RHBDD1: variants seen among roughly 807,000 people sequenced by gnomAD.
RHBDD1 encodes rhomboid domain containing 1.
Under a neutral mutation model 36.3 loss-of-function variants are expected in RHBDD1, and 38 were observed. That is an observed-to-expected ratio of 1.05 (90% CI 0.81 to 1.37). The LOEUF is 1.37. Ranked by LOEUF, RHBDD1 falls within the 40% of genes most tolerant of loss-of-function variation. RHBDD1 has a pLI of 0.00. For synonymous variants in RHBDD1, 151 were observed against 136.5 expected (o/e 1.11, Z -0.74); for missense variants, 393 against 377.6 (o/e 1.04, Z -0.34).
chr2:226,944,375 G>A lies in RHBDD1; in HGVS notation c.856+30024G>A, dbSNP rs183207546. Among the ~76,000 whole-genome samples the A allele has an allele frequency of 7.9e-5, 12 of 152,232 alleles. No homozygotes were observed. In the East Asian group the frequency reaches 1.2e-3, roughly 15 times the overall value. ...AGCAGCGGTTGTACAATTGCTGTGC[G>A]TTCTGTGTCTCTTAGACCTTGCCAC... On this transcript the variant is annotated intron_variant, in intron 8 of 8. Coordinates refer to ENST00000392062, the MANE Select transcript of RHBDD1 (RefSeq NM_001167608.3).
In RHBDD1 at chr2:226,937,616, C is replaced by T. The variant is rs1217445606; in HGVS notation, c.856+23265C>T. On this transcript the variant is annotated intron_variant, in intron 8 of 8. Coordinates refer to ENST00000392062, the MANE Select transcript of RHBDD1 (RefSeq NM_001167608.3). ...CTTGCCCTCCACCCTCCAATAGGCA[C>T]CATTGTGCATTATTCATCTCCGTGT... Among the ~76,000 whole-genome samples, 3 of 152,084 alleles carry T rather than the reference C, an allele frequency of 2.0e-5. No homozygotes were observed. The South Asian group carries it at 6.2e-4, about 32-fold the overall frequency.
chr2:226,897,091 C>T (rs1575002799), intron 5 of RHBDD1, among the ~76,000 whole-genome samples: 2 of 152,190 alleles, frequency 1.3e-5, no homozygotes, highest in African/African-American at 2.4e-5. Context: ...TGTGAGCCAT[C>T]GTGCCTGGCC....
At chr2:226,961,074 A>G (rs1952160977) in intron 8 of RHBDD1, among the ~76,000 whole-genome samples, 1 of 152,196 alleles carries the variant, frequency 6.6e-6, no homozygotes, top group East Asian at 1.9e-4. Flanking sequence ...GAAAGAGCCT[A>G]GAATCTGTAT....
chr2:226,909,655 G>A (rs1017752234), intron 7 of RHBDD1, among the ~76,000 whole-genome samples: 2 of 152,036 alleles, frequency 1.3e-5, no homozygotes, highest in Admixed American at 6.6e-5. Flanking sequence ...CTATAAAAGC[G>A]ACCTCAGAGA....
At chr2:226,958,700 T>TTC (rs1553585808) in intron 8 of RHBDD1, among the ~76,000 whole-genome samples, 4 of 118,536 alleles carry the variant, frequency 3.4e-5, no homozygotes, top group African/African-American at 3.1e-5. Flanking sequence ...TGAAGGATTT[T>TTC]TCTGTGTGTG....
chr2:226,876,041 A>G (rs1195918438), intron 5 of RHBDD1, among the ~76,000 whole-genome samples: 1 of 152,232 alleles, frequency 6.6e-6, no homozygotes, highest in Non-Finnish European at 1.5e-5. Flanking sequence ...TACAGAACAA[A>G]TGTTCTTCAT....
At chr2:226,968,580 A>T (rs1238976287) in intron 8 of RHBDD1, among the ~76,000 whole-genome samples, 5 of 152,166 alleles carry the variant, frequency 3.3e-5, no homozygotes, top group Non-Finnish European at 5.9e-5. Flanking sequence ...TAATTGAATA[A>T]CCTGAGATGG....
the RHBDD1 span, among the ~76,000 whole-genome samples, chr2:226,828,641 T>C: frequency 3.7e-4 from 56 of 152,312 alleles, no homozygotes; most frequent in African/African-American, 1.3e-3. Context: ...TGGTGTTAAT[T>C]TGCATTTTCC....
chr2:226,975,672 A>G (rs1050248549), intron 8 of RHBDD1, among the ~76,000 whole-genome samples: 2 of 152,236 alleles, frequency 1.3e-5, no homozygotes, highest in Non-Finnish European at 2.9e-5. Flanking sequence ...TACATGCAGA[A>G]GGAACTCATT....
chr2:226,978,933 G>A (rs771566930), intron 8 of RHBDD1, among the ~76,000 whole-genome samples: 20 of 152,144 alleles, frequency 1.3e-4, no homozygotes, highest in Non-Finnish European at 2.5e-4. Context: ...GTGGGGAAAT[G>A]GTTTAGGGTT....
intron 8 of RHBDD1, among the ~76,000 whole-genome samples, chr2:226,985,947 C>A (rs1956843440): frequency 6.6e-6 from 1 of 152,196 alleles, no homozygotes; most frequent in South Asian, 2.1e-4. Flanking sequence ...AGAAAAAGTT[C>A]AAAGTGGAGA....
At chr2:226,933,800 G>A (rs1950175359) in intron 8 of RHBDD1, among the ~76,000 whole-genome samples, 1 of 152,064 alleles carries the variant, frequency 6.6e-6, no homozygotes, top group Non-Finnish European at 1.5e-5. Context: ...CATCCCAAGA[G>A]GAAGCTAGGA....
At chr2:226,853,145 T>C (rs1207227064) in intron 3 of RHBDD1, among the ~76,000 whole-genome samples, 2 of 152,134 alleles carry the variant, frequency 1.3e-5, no homozygotes, top group Non-Finnish European at 2.9e-5. Flanking sequence ...TGAGCTAAAA[T>C]GAAGCATTGT....
At chr2:226,865,296 C>A (rs1472712907) in intron 4 of RHBDD1, among the ~76,000 whole-genome samples, 170 bp downstream of exon 4, 1 of 152,184 alleles carries the variant, frequency 6.6e-6, no homozygotes, top group African/African-American at 2.4e-5. Context: ...TTTTGCCATT[C>A]TACATTATGC....
At chr2:226,886,145 A>G (rs554048473) in intron 5 of RHBDD1, among the ~76,000 whole-genome samples, 2 of 152,332 alleles carry the variant, frequency 1.3e-5, no homozygotes, top group South Asian at 2.1e-4. Context: ...ATAGCACCCT[A>G]TTTTTACAAC....
At chr2:226,809,292 CAGA>C in the RHBDD1 span, among the ~76,000 whole-genome samples, 265 of 152,250 alleles carry the variant, frequency 1.7e-3, 1 homozygote, top group African/African-American at 6.0e-3. Flanking sequence ...ATGGTCAAGT[CAGA>C]AGAAGACTTG....
chr2:226,815,535 A>G, the RHBDD1 span, among the ~76,000 whole-genome samples: 2 of 152,216 alleles, frequency 1.3e-5, no homozygotes, highest in Admixed American at 6.5e-5. Flanking sequence ...AGGTAATATA[A>G]AAGTATTTTA....
intron 5 of RHBDD1, among the ~76,000 whole-genome samples, chr2:226,905,395 G>T (rs1002491813): frequency 6.6e-6 from 1 of 152,142 alleles, no homozygotes; most frequent in African/African-American, 2.4e-5. Context: ...CAGAGGTGCT[G>T]TTTGGCTTAG....
rs901520899 is a variant in RHBDD1 at position 226,995,957 on chromosome 2, A to G, written c.*435A>G. Reference sequence around the variant, plus strand: ...AGCCATCCCCGCGTCCTCCTGGCGCATTGCCACTGTGGCTGTCCAGGAACA... The same window carrying G: ...AGCCATCCCCGCGTCCTCCTGGCGCGTTGCCACTGTGGCTGTCCAGGAACA... On this transcript the variant is annotated 3_prime_UTR_variant, in exon 9 of 9. Coordinates refer to ENST00000392062, the MANE Select transcript of RHBDD1 (RefSeq NM_001167608.3). The G allele has an allele frequency of 6.2e-6, 1 of 162,502 alleles. No individual in the cohort carries two copies. The highest frequency in any genetic ancestry group is 6.3e-5 in the Admixed American group (1 of 15,842). 10.1% of individuals were successfully genotyped at this position (162,502 alleles called of 1,614,324 possible). A position where few individuals can be genotyped will look rare whatever the true frequency, so the allele number is the denominator to read the frequency against.
Sources: allele counts gnomAD v4.1 joint callset (sites outside exome capture counted in the v4.1 genomes callset), GRCh38; gene constraint gnomAD v4.1.1; transcripts MANE v1.5; gene names NCBI Gene and HGNC (gene_info 2026-07-23, HGNC 2026-07-21).